PRLR: variants seen among roughly 807,000 people sequenced by gnomAD.
PRLR encodes hPRL receptor.
Under a neutral mutation model 40.2 loss-of-function variants are expected in PRLR, and 13 were observed. That is an observed-to-expected ratio of 0.32 (90% CI 0.21 to 0.51). The LOEUF (loss-of-function observed/expected upper bound fraction) is 0.51, where lower values mean the gene tolerates loss of function less well. PRLR is among the 20% of genes least tolerant of loss of function. PRLR has a pLI of 0.97. For synonymous variants in PRLR, 269 were observed against 278.7 expected (o/e 0.97, Z 0.35); for missense variants, 656 against 747.3 (o/e 0.88, Z 1.42).
At position 35,066,940 on chromosome 5, in the gene PRLR, T is replaced by G. The variant is rs1334350912; in HGVS notation, c.856-838A>C. On this transcript the variant is annotated intron_variant, in intron 9 of 9. Transcript: ENST00000618457. ...CACCACGCCTGGCTAATTTTTTACA[T>G]TTTTAGTAGAGACAGGGTTTCACCA... Among the ~76,000 whole-genome samples, 4 of 152,110 alleles carry G rather than the reference T, an allele frequency of 2.6e-5. No individual in the cohort carries two copies. The East Asian group carries it at 7.8e-4, about 30-fold the overall frequency.
intron 1 of PRLR, among the ~76,000 whole-genome samples, chr5:35,221,659 G>C (rs1227068509): frequency 6.6e-6 from 1 of 152,164 alleles, no homozygotes; most frequent in Non-Finnish European, 1.5e-5. Context: ...CGAATGTCCA[G>C]GCCCCTTCCC....
At chr5:35,080,718 T>C (rs956448108) in intron 5 of PRLR, among the ~76,000 whole-genome samples, 1 of 152,108 alleles carries the variant, frequency 6.6e-6, no homozygotes, top group Admixed American at 6.6e-5. Flanking sequence ...TTATAAATAA[T>C]GCTGCCATAA....
chr5:35,113,124 A>G (rs1299227892), intron 2 of PRLR, among the ~76,000 whole-genome samples: 3 of 103,062 alleles, frequency 2.9e-5, no homozygotes, highest in Non-Finnish European at 5.9e-5. Flanking sequence ...CAACCCGCCC[A>G]CCCATTTATC....
chr5:35,091,127 A>G, intron 2 of PRLR, among the ~76,000 whole-genome samples: 1 of 152,024 alleles, frequency 6.6e-6, no homozygotes, highest in Non-Finnish European at 1.5e-5. Context: ...GCTCTTTCAT[A>G]ATGAGGCTCC....
chr5:35,209,292 T>A (rs1391472010), intron 1 of PRLR, among the ~76,000 whole-genome samples: 1 of 152,226 alleles, frequency 6.6e-6, no homozygotes. Context: ...TTCTGTAATA[T>A]GCTGGACAGC....
At position 35,056,207 on chromosome 5, in the gene PRLR, G is replaced by A. The variant is rs1768705610; in HGVS notation, c.*8882C>T. The A allele has an allele frequency of 6.6e-6, 1 of 152,166 alleles. No homozygotes were observed. Among genetic ancestry groups the A allele is most frequent in the South Asian group, 2.1e-4 (1 of 4,828 alleles). The allele number at this position is 152,166 out of a possible 1,614,324, so 9.4% of individuals were successfully genotyped here. A position where few individuals can be genotyped will look rare whatever the true frequency, so the allele number is the denominator to read the frequency against. On this transcript the variant is annotated 3_prime_UTR_variant, in exon 10 of 10. Transcript: ENST00000618457. ...CAGCAGGAATTGAGGGGTGGTGTGG[G>A]GGACAGTGGAGGAGATGTAAATACA...
At chr5:35,119,093 C>T (rs1389127597) in intron 1 of PRLR, among the ~76,000 whole-genome samples, 1 of 152,150 alleles carries the variant, frequency 6.6e-6, no homozygotes, top group Non-Finnish European at 1.5e-5. Context: ...CCATGCCCAA[C>T]CTACAGCTAC....
At chr5:35,090,301 T>A (rs1365509097) in intron 2 of PRLR, among the ~76,000 whole-genome samples, 1 of 152,172 alleles carries the variant, frequency 6.6e-6, no homozygotes, top group South Asian at 2.1e-4. Flanking sequence ...TGGTAATAAT[T>A]TAAATTCCTT....
chr5:35,080,672 C>T (rs1387756804), intron 5 of PRLR, among the ~76,000 whole-genome samples: 1 of 152,102 alleles, frequency 6.6e-6, no homozygotes, highest in Non-Finnish European at 1.5e-5. Context: ...TACCGTTTGA[C>T]CCAGCCATCC....
At chr5:35,183,687 A>G (rs1179588369) in intron 1 of PRLR, among the ~76,000 whole-genome samples, 1 of 152,200 alleles carries the variant, frequency 6.6e-6, no homozygotes, top group Non-Finnish European at 1.5e-5. Flanking sequence ...GAAGGGTCAC[A>G]GAGCTCCAGT....
intron 2 of PRLR, among the ~76,000 whole-genome samples, chr5:35,102,823 G>A (rs1312336950): frequency 6.6e-6 from 1 of 152,082 alleles, no homozygotes; most frequent in Non-Finnish European, 1.5e-5. Context: ...GATTACAGGC[G>A]TGAGCTGCCA....
chr5:35,204,071 T>C (rs1775948845), intron 1 of PRLR, among the ~76,000 whole-genome samples: 1 of 152,066 alleles, frequency 6.6e-6, no homozygotes. Context: ...CTTAGAAATA[T>C]TGTTGTATGG....
At chr5:35,116,574 A>G (rs1330422200) in intron 2 of PRLR, among the ~76,000 whole-genome samples, 1 of 152,172 alleles carries the variant, frequency 6.6e-6, no homozygotes, top group Non-Finnish European at 1.5e-5. Context: ...GGAAAGGTCC[A>G]CTCAGTACTC....
rs943997129 is a variant in PRLR at position 35,225,220 on chromosome 5, G to T, written c.-106+5048C>A. On this transcript the variant is annotated intron_variant, in intron 1 of 9. Coordinates refer to ENST00000618457, the MANE Select transcript of PRLR (RefSeq NM_000949.7). ...TGTAGGACGTTTGAAAGCCTCTTGA[G>T]ATTTACCTGAGTGAGAGGATTGGTC... Among the ~76,000 whole-genome samples, 12 of 152,324 alleles carry T rather than the reference G, an allele frequency of 7.9e-5. No homozygotes were observed. The East Asian group carries it at 2.1e-3, about 27-fold the overall frequency.
intron 1 of PRLR, among the ~76,000 whole-genome samples, chr5:35,170,337 T>TCACTATGAAGTCTGG (rs1172959979): frequency 3.9e-5 from 6 of 152,136 alleles, no homozygotes; most frequent in African/African-American, 1.4e-4. Flanking sequence ...AGTCTGGAGT[T>TCACTATGAAGTCTGG]AGTGGACAGT....
chr5:35,053,726 A>G (rs549779329), downstream of PRLR, among the ~76,000 whole-genome samples: 26 of 152,378 alleles, frequency 1.7e-4, no homozygotes, highest in Non-Finnish European at 2.8e-4. Context: ...ACAATATTAT[A>G]AAGATGTAAC....
intron 1 of PRLR, among the ~76,000 whole-genome samples, chr5:35,197,098 T>A (rs1317217886): frequency 6.6e-6 from 1 of 152,292 alleles, no homozygotes; most frequent in South Asian, 2.1e-4. Context: ...GAGGTGTAGG[T>A]TCTTGGAAAC....
At chr5:35,216,293 T>C (rs572396488) in intron 1 of PRLR, among the ~76,000 whole-genome samples, 88 of 29,292 alleles carry the variant, frequency 3.0e-3, no homozygotes, top group African/African-American at 0.014. Context: ...TATTGAACTA[T>C]AGTGGGCTGA....
chr5:35,065,346 C>T lies in PRLR; in HGVS notation c.1612G>A (p.Gly538Arg), dbSNP rs148096787. 293 of 1,614,090 alleles carry T rather than the reference C, an allele frequency of 1.8e-4. 2 individuals are homozygous for T. The Middle Eastern group carries it at 7.1e-3, about 39-fold the overall frequency. The change falls in exon 10 of 10, where the codon GGG becomes AGG. Residue 538 changes from glycine to arginine, a missense_variant. Transcript: ENST00000618457. The part of the protein sequence containing the change: ...RENSGKPKKP[G>R]TPENNKEYAK... ...TACTCCTTATTGTTCTCAGGAGTCCCGGGCTTCTTGGGCTTGCCGCTGTTC... is the reference window on the plus strand; with the variant it reads ...TACTCCTTATTGTTCTCAGGAGTCCTGGGCTTCTTGGGCTTGCCGCTGTTC...
Sources: allele counts gnomAD v4.1 joint callset (sites outside exome capture counted in the v4.1 genomes callset), GRCh38; gene constraint gnomAD v4.1.1; transcripts MANE v1.5; gene names NCBI Gene and HGNC (gene_info 2026-07-23, HGNC 2026-07-21).